GAK: variants seen among roughly 807,000 people sequenced by gnomAD.
GAK encodes the protein cyclin-G-associated kinase.
In GAK, 79 loss-of-function variants were observed where a neutral mutation model predicts 143.9. That is an observed-to-expected ratio of 0.55 (90% CI 0.46 to 0.66). GAK has a LOEUF of 0.66. Among genes scored for constraint, GAK ranks in the 30% least tolerant of loss-of-function variants. The pLI is 0.00. For synonymous variants in GAK, 881 were observed against 765.5 expected, an observed-to-expected ratio of 1.15 and a Z score of -2.49; for missense variants, 1,693 against 1,779.7, an observed-to-expected ratio of 0.95 and a Z score of 0.88.
chr4:932,133 C>A lies in GAK; in HGVS notation c.55G>T (p.Gly19Cys). ...DFLAGPGSLGGASGRDQSDFV... is the reference protein window; with the variant it reads ...DFLAGPGSLGCASGRDQSDFV... ...TCACTCTGGTCGCGGCCGGAAGCAC[C>A]GCCCAGGGAGCCTGGACCCGCCAAG... Residue 19 changes from glycine (G) to cysteine (C), a missense_variant, in exon 1 of 28, where the codon GGT becomes TGT. By Grantham distance (159) the Gly-to-Cys change is radical. Around this residue, in one of 2 missense-constraint regions of GAK, gnomAD observed 871 missense variants for 991.0 expected, o/e 0.88. Coordinates refer to ENST00000314167, the MANE Select transcript of GAK (RefSeq NM_005255.4). This position sits in a 1 kb window ranked among gnomAD's most constrained non-coding sequence, Gnocchi z 4.0. 1.3e-6 allele frequency: 2 copies of A among 1,587,758 alleles called. No homozygotes were observed. The highest frequency in any genetic ancestry group is 1.7e-6 in the Non-Finnish European group (2 of 1,167,610).
intron 1 of GAK, among the ~76,000 whole-genome samples, chr4:925,207 G>A (rs1458033180): frequency 1.3e-5 from 2 of 152,126 alleles, no homozygotes; most frequent in African/African-American, 4.8e-5. Flanking sequence ...CCATCAAAAT[G>A]TCCAAATAAA....
intron 1 of GAK, among the ~76,000 whole-genome samples, chr4:926,364 T>A (rs1368948761): frequency 6.6e-6 from 1 of 152,112 alleles, no homozygotes; most frequent in Admixed American, 6.5e-5. Flanking sequence ...CTCAGACATC[T>A]CCTCCAGGGC....
Position 849,671 on chromosome 4 carries a change from C to G in GAK, c.*2G>C. On this transcript the variant is annotated 3_prime_UTR_variant, in exon 28 of 28. Transcript: ENST00000314167. ...GTGTGCGCAGCCACCACCACTGCGGCCTCAGAAGAGGGGCCGGGAGCCCTG... is the reference window on the plus strand; with the variant it reads ...GTGTGCGCAGCCACCACCACTGCGGGCTCAGAAGAGGGGCCGGGAGCCCTG... 1 of 1,609,912 alleles carries G rather than the reference C, an allele frequency of 6.2e-7. No homozygotes were observed. The highest frequency in any genetic ancestry group is 8.5e-7 in the Non-Finnish European group (1 of 1,177,444).
chr4:851,417 A>C (rs542505497), intron 25 of GAK: 1 of 493,460 alleles, frequency 2.0e-6, no homozygotes, highest in Non-Finnish European at 3.6e-6. Flanking sequence ...CTTTCTGCAG[A>C]GACACACAGG....
At chr4:922,514 CAAA>C (rs35567795) in intron 1 of GAK, among the ~76,000 whole-genome samples, 3 of 62,922 alleles carry the variant, frequency 4.8e-5, no homozygotes, top group Non-Finnish European at 8.7e-5. Flanking sequence ...GACTCCATCT[CAAA>C]AAAAAAAAAA....
chr4:849,569 TG>T lies in GAK; in HGVS notation c.*103del. On this transcript the variant is annotated 3_prime_UTR_variant, in exon 28 of 28. Transcript: ENST00000314167. ...TGACCCGGGGCTCGGAGCCCCACCC[TG>T]GCCACACCTGCTGTCGCCCACGGGG... 2.4e-6 allele frequency: 2 copies of T among 848,090 alleles called. No individual in the cohort carries two copies. The highest frequency in any genetic ancestry group is 3.9e-6 in the Non-Finnish European group (2 of 517,562). The allele number at this position is 848,090 out of a possible 1,614,324, so 52.5% of individuals were successfully genotyped here.
intron 7 of GAK, 111 bp downstream of exon 7, chr4:896,349 G>A (rs951371401): frequency 1.3e-6 from 1 of 758,984 alleles, no homozygotes; most frequent in African/African-American, 1.7e-5. Flanking sequence ...AGGGGAAGAG[G>A]GGGTGGAGGA....
chr4:862,293 G>C (rs1035008445), intron 23 of GAK, among the ~76,000 whole-genome samples: 8 of 142,080 alleles, frequency 5.6e-5, no homozygotes, highest in Non-Finnish European at 9.3e-5. Flanking sequence ...GCTAAGATCC[G>C]GCTGAGACCA....
intron 20 of GAK, among the ~76,000 whole-genome samples, chr4:868,296 C>T (rs904580053): frequency 6.6e-6 from 1 of 152,310 alleles, no homozygotes; most frequent in East Asian, 1.9e-4. Context: ...GGATGAAGAG[C>T]GAGGGTTGTT....
At chr4:863,710 G>A (rs1750672523) in intron 23 of GAK, among the ~76,000 whole-genome samples, 1 of 152,204 alleles carries the variant, frequency 6.6e-6, no homozygotes, top group Non-Finnish European at 1.5e-5. Flanking sequence ...TTATTTTTTA[G>A]ACATAATGCT....
chr4:916,286 G>A (rs149623200), intron 1 of GAK, among the ~76,000 whole-genome samples: 90 of 152,132 alleles, frequency 5.9e-4, no homozygotes, highest in Non-Finnish European at 1.1e-3. Context: ...CTGAGACAGG[G>A]TCCTACTCTG....
In GAK at chr4:893,912, G is replaced by A. The variant is rs769108590; in HGVS notation, c.839C>T (p.Pro280Leu). The A allele has an allele frequency of 1.5e-4, 244 of 1,611,196 alleles. No homozygotes were observed. Among genetic ancestry groups the A allele is most frequent in the Non-Finnish European group, 1.9e-4 (222 of 1,178,852 alleles). ...GAAGACCGTGTACTGCGTGTCGTGC[G>A]GGGGGATCGAGTACTTCCCATTGAC... ...RIVNGKYSIP[P>L]HDTQYTVFHS... The change falls in exon 8 of 28, where the codon CCG becomes CTG. Residue 280 changes from proline (P) to leucine (L), a missense_variant. This residue lies in a region of GAK where 871 missense variants were observed against 991.0 expected (regional missense o/e 0.88). Coordinates refer to ENST00000314167, the MANE Select transcript of GAK (RefSeq NM_005255.4).
rs991149969 is a variant in GAK at position 913,513 on chromosome 4, G to A, written c.207+94C>T. 4 of 966,340 alleles carry A rather than the reference G, an allele frequency of 4.1e-6. No homozygotes were observed. The African/African-American group carries it at 4.9e-5, about 12-fold the overall frequency. 59.9% of individuals were successfully genotyped at this position (966,340 alleles called of 1,614,324 possible). On this transcript the variant is annotated intron_variant, in intron 2 of 27. Transcript: ENST00000314167. Reference sequence around the variant, plus strand: ...TGTCCAGGCTGTAAAAGGAAACAAAGTACGTAACAGGGACGCATCCCTGAA... The same window carrying A: ...TGTCCAGGCTGTAAAAGGAAACAAAATACGTAACAGGGACGCATCCCTGAA...
chr4:878,680 A>G (rs1714487841), intron 15 of GAK, among the ~76,000 whole-genome samples: 1 of 152,160 alleles, frequency 6.6e-6, no homozygotes, highest in African/African-American at 2.4e-5. Context: ...TCTCCTTTCA[A>G]TTTGATCAGT....
intron 7 of GAK, among the ~76,000 whole-genome samples, chr4:896,116 T>C (rs1300819737): frequency 6.6e-6 from 1 of 151,926 alleles, no homozygotes; most frequent in Non-Finnish European, 1.5e-5. Flanking sequence ...TACAAAATAA[T>C]AGCCGGGCAT....
Position 851,011 on chromosome 4 carries a change from G to A in GAK, c.3582C>T (p.Asp1194=). Residue 1194 remains aspartate, a synonymous_variant, in exon 26 of 28, where the codon GAC becomes GAT. Coordinates refer to ENST00000314167, the MANE Select transcript of GAK (RefSeq NM_005255.4). ...CTGCAATGGTCTTTGGCCCTTTCTT[G>A]TCAGACCTGGAGGAGAAGCCTTGAT... is the stretch of plus-strand genomic sequence containing the variant. ...LSNQGFSSRS[D]KKGPKTIAEM... 6.2e-7 allele frequency: 1 copy of A among 1,614,076 alleles called. No individual in the cohort carries two copies. The highest frequency in any genetic ancestry group is 8.5e-7 in the Non-Finnish European group (1 of 1,179,960).
At chr4:909,507 C>T (rs570679914) in intron 4 of GAK, among the ~76,000 whole-genome samples, 34 of 152,246 alleles carry the variant, frequency 2.2e-4, no homozygotes, top group Admixed American at 2.0e-3. Context: ...CATGGACGCA[C>T]GGGAGGGGCC....
intron 19 of GAK, chr4:869,721 A>C (rs1396031973): frequency 6.6e-6 from 1 of 150,614 alleles, no homozygotes; most frequent in East Asian, 2.0e-4. Flanking sequence ...GCACACACAG[A>C]TGCACAGTAC....
At position 867,089 on chromosome 4, in the gene GAK, G is replaced by A. The variant is rs760768090; in HGVS notation, c.2739C>T (p.Cys913=). 5.2e-6 allele frequency: 8 copies of A among 1,551,446 alleles called. No homozygotes were observed. In the Admixed American group the frequency reaches 1.3e-4, roughly 26 times the overall value. ...APSSNTDLLS[C]LLGPPEAASQ... ...AGGCGGCCTCAGGGGGCCCAAGGAGGCAGCTGAGCAGGTCGGTGTTGCTGG... is the reference window on the plus strand; with the variant it reads ...AGGCGGCCTCAGGGGGCCCAAGGAGACAGCTGAGCAGGTCGGTGTTGCTGG... The change falls in exon 21 of 28, where the codon TGC becomes TGT. Residue 913 remains cysteine (C), a synonymous_variant. Coordinates refer to ENST00000314167, the MANE Select transcript of GAK (RefSeq NM_005255.4).
Sources: allele counts gnomAD v4.1 joint callset (sites outside exome capture counted in the v4.1 genomes callset), GRCh38; gene constraint gnomAD v4.1.1; regional missense constraint gnomAD v4.1.1; non-coding constraint Gnocchi (gnomAD v3.1); transcripts MANE v1.5; gene names NCBI Gene and HGNC (gene_info 2026-07-23, HGNC 2026-07-21).